The following AGBL1 variants were observed in gnomAD, a reference collection of about 807,000 sequenced individuals.
The protein encoded by AGBL1 is AGBL carboxypeptidase 1.
Under a neutral mutation model 118.9 loss-of-function variants are expected in AGBL1, and 130 were observed. The ratio of observed to expected loss-of-function variants is 1.09; its 90% CI spans 0.95 to 1.26. AGBL1 has a LOEUF of 1.26. Among genes scored for constraint, AGBL1 ranks in the 50% most tolerant of loss-of-function variants. AGBL1 has a pLI of 0.00. For missense variants in AGBL1, 1,584 were observed against 1,298.1 expected, an observed-to-expected ratio of 1.22 and a Z score of -3.38; for synonymous variants, 555 against 478.9, an observed-to-expected ratio of 1.16 and a Z score of -2.08.
chr15:86,391,068 T>C (rs1025797532), intron 17 of AGBL1, among the ~76,000 whole-genome samples: 4 of 144,256 alleles, frequency 2.8e-5, no homozygotes, highest in African/African-American at 1.0e-4. Flanking sequence ...AGGGGTGGGG[T>C]GAAAGGATTG....
chr15:86,116,498 C>T (rs778816758), intron 1 of AGBL1: 10 of 152,120 alleles, frequency 6.6e-5, no homozygotes, highest in Non-Finnish European at 1.2e-4. Flanking sequence ...TAGAGAAGAT[C>T]CACTTTCATC....
intron 22 of AGBL1, among the ~76,000 whole-genome samples, chr15:86,849,517 C>CTTTTTTTTTTT (rs68185029): frequency 1.5e-4 from 20 of 136,782 alleles, no homozygotes; most frequent in East Asian, 4.1e-4. Context: ...TTCTTTCTTT[C>CTTTTTTTTTTT]TTTTTTTTTT....
intron 22 of AGBL1, among the ~76,000 whole-genome samples, chr15:86,787,588 G>A (rs781283212): frequency 6.6e-6 from 1 of 152,074 alleles, no homozygotes; most frequent in Non-Finnish European, 1.5e-5. Flanking sequence ...TAAATGTCAG[G>A]ATCTTCTTTT....
At chr15:86,858,605 G>T (rs1263244078) in intron 22 of AGBL1, among the ~76,000 whole-genome samples, 3 of 152,160 alleles carry the variant, frequency 2.0e-5, no homozygotes, top group Non-Finnish European at 4.4e-5. Context: ...TGTAAGCACT[G>T]AGACATAAAT....
chr15:86,589,745 C>T (rs1426812490), intron 21 of AGBL1, among the ~76,000 whole-genome samples: 1 of 152,088 alleles, frequency 6.6e-6, no homozygotes, highest in Non-Finnish European at 1.5e-5. Context: ...TCCTTTCCTC[C>T]CTCCCTCCCA....
intron 24 of AGBL1, among the ~76,000 whole-genome samples, chr15:87,011,422 G>A (rs2081558951): frequency 6.6e-6 from 1 of 152,188 alleles, no homozygotes; most frequent in African/African-American, 2.4e-5. Flanking sequence ...GGAAAAGGGG[G>A]AATATTATGT....
intron 21 of AGBL1, among the ~76,000 whole-genome samples, chr15:86,600,369 T>C (rs2084474359): frequency 6.6e-6 from 1 of 152,186 alleles, no homozygotes; most frequent in Non-Finnish European, 1.5e-5. Flanking sequence ...ACAAATATTA[T>C]CAGACAGGTG....
intron 20 of AGBL1, among the ~76,000 whole-genome samples, chr15:86,548,773 G>A (rs577430529): frequency 1.4e-3 from 217 of 151,768 alleles, no homozygotes; most frequent in African/African-American, 4.9e-3. Context: ...ATAAATACAT[G>A]GTGTATTAAG....
intron 18 of AGBL1, among the ~76,000 whole-genome samples, chr15:86,404,188 CG>C (rs1434743547): frequency 6.6e-6 from 1 of 152,150 alleles, no homozygotes; most frequent in African/African-American, 2.4e-5. Flanking sequence ...GAAGCCATGG[CG>C]CAGCCTTGCC....
intron 16 of AGBL1, among the ~76,000 whole-genome samples, chr15:86,281,798 C>A (rs1347710917): frequency 6.6e-6 from 1 of 152,182 alleles, no homozygotes; most frequent in Non-Finnish European, 1.5e-5. Context: ...CTTGCCATTA[C>A]ATTCACAAGC....
chr15:86,253,399 C>T (rs2078847287), intron 7 of AGBL1, among the ~76,000 whole-genome samples: 1 of 143,286 alleles, frequency 7.0e-6, no homozygotes, highest in South Asian at 2.1e-4. Context: ...TACAGCCATG[C>T]ACCACAATGC....
At position 86,912,834 on chromosome 15, in the gene AGBL1, C is replaced by T. The variant is rs919571202; in HGVS notation, c.*5540C>T. On this transcript the variant is annotated 3_prime_UTR_variant, in exon 23 of 23. Transcript: ENST00000614907. ...TTTGCCTTGCTGGTACAGCTCACCC[C>T]AGCTCCCCAAACTCTCTAGTCTTGG... 1.3e-5 allele frequency: 2 copies of T among 152,196 alleles called. No homozygotes were observed. The highest frequency in any genetic ancestry group is 2.9e-5 in the Non-Finnish European group (2 of 68,064). The allele number at this position is 152,196 out of a possible 1,614,324, so 9.4% of individuals were successfully genotyped here.
At chr15:86,925,236 C>T (rs1045743226) in intron 23 of AGBL1, among the ~76,000 whole-genome samples, 3 of 151,470 alleles carry the variant, frequency 2.0e-5, no homozygotes, top group African/African-American at 4.9e-5. Context: ...GAACCTGAAC[C>T]TGGGTGGCTT....
intron 24 of AGBL1, among the ~76,000 whole-genome samples, chr15:87,012,391 T>G (rs1287479862): frequency 6.6e-6 from 1 of 152,146 alleles, no homozygotes; most frequent in Admixed American, 6.5e-5. Context: ...TACTTGTAAA[T>G]GTTTAAGGAA....
At chr15:86,730,894 C>G (rs1348098240) in intron 22 of AGBL1, among the ~76,000 whole-genome samples, 1 of 152,104 alleles carries the variant, frequency 6.6e-6, no homozygotes. Context: ...GTGGCATGAT[C>G]TCGGCTCACT....
intron 22 of AGBL1, among the ~76,000 whole-genome samples, chr15:86,732,486 A>G (rs968613415): frequency 6.6e-6 from 1 of 152,054 alleles, no homozygotes; most frequent in Non-Finnish European, 1.5e-5. Flanking sequence ...TATTCTTTCT[A>G]TGCATTTCTA....
intron 23 of AGBL1, among the ~76,000 whole-genome samples, chr15:86,958,159 T>A (rs1220675689): frequency 6.6e-6 from 1 of 151,276 alleles, no homozygotes; most frequent in African/African-American, 2.4e-5. Flanking sequence ...AAGCTATGAT[T>A]GTGCCACTGC....
At chr15:86,830,546 C>T (rs1341350893) in intron 22 of AGBL1, among the ~76,000 whole-genome samples, 1 of 152,050 alleles carries the variant, frequency 6.6e-6, no homozygotes, top group Non-Finnish European at 1.5e-5. Context: ...ACCATGTGGT[C>T]ATGGTGGTAA....
chr15:86,408,910 G>A (rs1034102031), intron 18 of AGBL1, among the ~76,000 whole-genome samples: 1 of 151,996 alleles, frequency 6.6e-6, no homozygotes, highest in Non-Finnish European at 1.5e-5. Context: ...TAGGGGTGGA[G>A]GTCTCAGCCA....
Sources: gnomAD v4.1 joint callset for allele counts (sites outside exome capture counted in the v4.1 genomes callset) on GRCh38, gnomAD v4.1.1 for gene constraint, MANE v1.5 for transcripts, NCBI Gene and HGNC (gene_info 2026-07-23, HGNC 2026-07-21) for gene names.